ST3GAL3: variants seen among roughly 807,000 people sequenced by gnomAD.
ST3GAL3 encodes the protein CMP-N-acetylneuraminate-beta-1,4-galactoside alpha-2,3-sialyltransferase.
Under a neutral mutation model 50.1 loss-of-function variants are expected in ST3GAL3, and 21 were observed. The observed-to-expected ratio is 0.42, with a 90% CI of 0.30 to 0.60. The LOEUF (loss-of-function observed/expected upper bound fraction) is 0.60. ST3GAL3 is among the 20% of genes least tolerant of loss of function. ST3GAL3 has a pLI of 0.19. For missense variants in ST3GAL3, 353 were observed against 489.4 expected (o/e 0.72, Z 2.63); for synonymous variants, 183 against 190.0 (o/e 0.96, Z 0.30).
intron 2 of ST3GAL3, among the ~76,000 whole-genome samples, chr1:43,756,482 TAAG>T (rs1214062665): frequency 6.6e-6 from 1 of 152,012 alleles, no homozygotes; most frequent in African/African-American, 2.4e-5. Flanking sequence ...ATAAAGTTGA[TAAG>T]AAAAAGCACA....
chr1:43,875,409 C>T (rs1445380916), intron 5 of ST3GAL3, among the ~76,000 whole-genome samples: 2 of 151,826 alleles, frequency 1.3e-5, no homozygotes, highest in East Asian at 3.9e-4. Context: ...GGAGGGGAGG[C>T]CAAGGCAGGC....
chr1:43,920,670 T>C (rs2082878595), intron 10 of ST3GAL3, 112 bp from the exon 11 acceptor site: 1 of 1,606,988 alleles, frequency 6.2e-7, no homozygotes, highest in African/African-American at 1.3e-5. Flanking sequence ...GGAAGAGGGC[T>C]CAGTCCTTGG....
chr1:43,766,044 T>C (rs186632902), intron 2 of ST3GAL3, among the ~76,000 whole-genome samples: 4 of 152,224 alleles, frequency 2.6e-5, no homozygotes, highest in African/African-American at 4.8e-5. Context: ...ATTATTCATG[T>C]TCCTATTTCT....
chr1:43,715,325 G>A (rs1468742582), intron 1 of ST3GAL3, among the ~76,000 whole-genome samples: 2 of 152,114 alleles, frequency 1.3e-5, no homozygotes, highest in Non-Finnish European at 1.5e-5. Context: ...TATAATCCCA[G>A]CACTTTGGGA....
intron 5 of ST3GAL3, among the ~76,000 whole-genome samples, chr1:43,893,449 A>G (rs1048431381): frequency 6.6e-6 from 1 of 152,252 alleles, no homozygotes; most frequent in Non-Finnish European, 1.5e-5. Context: ...CCTTCAAAGC[A>G]GGGTGCTAGC....
intron 2 of ST3GAL3, among the ~76,000 whole-genome samples, chr1:43,764,800 A>G (rs1014526599): frequency 1.3e-5 from 2 of 152,222 alleles, no homozygotes; most frequent in Non-Finnish European, 2.9e-5. Flanking sequence ...CAGCAGATGC[A>G]TTCCCTGAAG....
intron 1 of ST3GAL3, among the ~76,000 whole-genome samples, chr1:43,735,545 C>G (rs529533251): frequency 1.3e-5 from 2 of 152,148 alleles, no homozygotes; most frequent in Non-Finnish European, 1.5e-5. Flanking sequence ...TACAGCTGCA[C>G]GAACTGAATT....
At chr1:43,753,586 C>T (rs1182406986) in intron 2 of ST3GAL3, among the ~76,000 whole-genome samples, 1 of 152,138 alleles carries the variant, frequency 6.6e-6, no homozygotes, top group Non-Finnish European at 1.5e-5. Flanking sequence ...GTCTCAGTTC[C>T]CTCCCTGCTG....
chr1:43,910,155 T>C (rs1251408334), intron 9 of ST3GAL3, among the ~76,000 whole-genome samples: 1 of 152,244 alleles, frequency 6.6e-6, no homozygotes, highest in African/African-American at 2.4e-5. Flanking sequence ...TTTGTAGTGT[T>C]GTTTGTAATA....
At chr1:43,744,520 C>T (rs59305903) in intron 2 of ST3GAL3, among the ~76,000 whole-genome samples, 52,654 of 151,452 alleles carry the variant, frequency 0.35, 9,929 homozygotes, top group African/African-American at 0.5. Flanking sequence ...GGATTACAGG[C>T]GTGAGCCACC....
intron 9 of ST3GAL3, among the ~76,000 whole-genome samples, chr1:43,903,899 G>A (rs186751046): frequency 3.9e-5 from 6 of 152,290 alleles, no homozygotes; most frequent in Admixed American, 3.3e-4. Flanking sequence ...GAGTAGTGCT[G>A]TGCATCTTTC....
intron 1 of ST3GAL3, chr1:43,727,425 G>A (rs1180383009): frequency 6.6e-6 from 1 of 152,158 alleles, no homozygotes; most frequent in Non-Finnish European, 1.5e-5. Flanking sequence ...ATTAATGGGG[G>A]CATTTCTCAA....
intron 3 of ST3GAL3, among the ~76,000 whole-genome samples, chr1:43,800,379 A>G (rs918062219): frequency 1.3e-5 from 2 of 152,150 alleles, no homozygotes; most frequent in African/African-American, 4.8e-5. Context: ...TGTGGGAGCT[A>G]TTTGCACTTT....
chr1:43,721,468 C>G (rs1474947603), intron 1 of ST3GAL3, among the ~76,000 whole-genome samples: 2 of 151,636 alleles, frequency 1.3e-5, no homozygotes, highest in Admixed American at 6.6e-5. Flanking sequence ...CCCCACCCAG[C>G]TAATTTTGTA....
chr1:43,902,015 T>C (rs1336744674), intron 9 of ST3GAL3, among the ~76,000 whole-genome samples: 1 of 152,190 alleles, frequency 6.6e-6, no homozygotes, highest in Admixed American at 6.5e-5. Flanking sequence ...TTAGTGTCCT[T>C]CTCCACCCCA....
chr1:43,751,513 A>C (rs1302250779), intron 2 of ST3GAL3, among the ~76,000 whole-genome samples: 1 of 152,238 alleles, frequency 6.6e-6, no homozygotes, highest in East Asian at 1.9e-4. Context: ...GATACTCTGC[A>C]GCCATTGAAA....
intron 5 of ST3GAL3, among the ~76,000 whole-genome samples, chr1:43,855,118 A>T (rs995120615): frequency 6.6e-6 from 1 of 152,220 alleles, no homozygotes; most frequent in Admixed American, 6.5e-5. Flanking sequence ...CATAAGTTAC[A>T]TAAAACCTCT....
chr1:43,734,376 C>T (rs1366705021), intron 1 of ST3GAL3, among the ~76,000 whole-genome samples: 1 of 144,610 alleles, frequency 6.9e-6, no homozygotes, highest in Non-Finnish European at 1.5e-5. Flanking sequence ...ACGCTCACAA[C>T]TCACTGCAGC....
intron 3 of ST3GAL3, among the ~76,000 whole-genome samples, chr1:43,803,185 A>G (rs1377797524): frequency 6.6e-6 from 1 of 152,078 alleles, no homozygotes; most frequent in Non-Finnish European, 1.5e-5. Context: ...TGGCCTCCCA[A>G]AATGCTGGAA....
Sources: gnomAD v4.1 joint callset for allele counts (sites outside exome capture counted in the v4.1 genomes callset) on GRCh38, gnomAD v4.1.1 for gene constraint, MANE v1.5 for transcripts, NCBI Gene and HGNC (gene_info 2026-07-23, HGNC 2026-07-21) for gene names.